The following PCMTD1 variants were observed in gnomAD, a reference collection of about 807,000 sequenced individuals.
The protein encoded by PCMTD1 is protein-L-isoaspartate O-methyltransferase domain-containing protein 1.
A neutral mutation model predicts 37.6 loss-of-function variants in PCMTD1; 12 were observed. The observed-to-expected ratio is 0.32, with a 90% confidence interval of 0.20 to 0.52. The LOEUF (loss-of-function observed/expected upper bound fraction) is 0.52. Among genes scored for constraint, PCMTD1 ranks in the 20% least tolerant of loss-of-function variants. The probability of loss-of-function intolerance (pLI) is 0.97; values close to 1 mark genes in which losing one functional copy is unlikely to be tolerated. For synonymous variants in PCMTD1, 117 were observed against 135.8 expected, an observed-to-expected ratio of 0.86 and a Z score of 0.96; for missense variants, 235 against 421.3, an observed-to-expected ratio of 0.56 and a Z score of 3.87.
intron 1 of PCMTD1, among the ~76,000 whole-genome samples, chr8:51,862,357 T>TC (rs1563351940): frequency 6.6e-6 from 1 of 151,554 alleles, no homozygotes; most frequent in Non-Finnish European, 1.5e-5. Context: ...TTTATACACA[T>TC]ACACACACAC....
chr8:51,856,092 A>G (rs2038384541), intron 2 of PCMTD1, among the ~76,000 whole-genome samples: 4 of 152,234 alleles, frequency 2.6e-5, no homozygotes, highest in Non-Finnish European at 5.9e-5. Flanking sequence ...AGGCACTTAA[A>G]AGAGCATGAA....
chr8:51,890,669 A>G (rs1051940744), intron 1 of PCMTD1, among the ~76,000 whole-genome samples: 4 of 152,232 alleles, frequency 2.6e-5, no homozygotes, highest in African/African-American at 7.2e-5. Context: ...GTGACAGAGA[A>G]GCACCGACTG....
intron 1 of PCMTD1, among the ~76,000 whole-genome samples, chr8:51,895,088 C>G (rs570333069): frequency 5.7e-4 from 86 of 152,180 alleles, no homozygotes; most frequent in Admixed American, 2.4e-3. Flanking sequence ...GTTGAAACCA[C>G]GGATCTGTGT....
intron 1 of PCMTD1, among the ~76,000 whole-genome samples, chr8:51,887,695 G>A (rs926539697): frequency 6.0e-5 from 9 of 148,902 alleles, no homozygotes; most frequent in African/African-American, 9.8e-5. Flanking sequence ...AAAAGAGTAC[G>A]CTCAGTCCCA....
intron 3 of PCMTD1, among the ~76,000 whole-genome samples, chr8:51,838,651 T>G (rs1439367427): frequency 1.3e-5 from 2 of 151,990 alleles, no homozygotes; most frequent in Non-Finnish European, 2.9e-5. Flanking sequence ...GAGAAAAAAA[T>G]AAACATTTTT....
At chr8:51,863,441 A>C (rs2038504151) in intron 1 of PCMTD1, among the ~76,000 whole-genome samples, 1 of 152,216 alleles carries the variant, frequency 6.6e-6, no homozygotes, top group Non-Finnish European at 1.5e-5. Flanking sequence ...AACTACCACC[A>C]TTTACTGACA....
chr8:51,876,563 TA>T (rs2038715968), intron 1 of PCMTD1, among the ~76,000 whole-genome samples: 1 of 152,176 alleles, frequency 6.6e-6, no homozygotes, highest in Non-Finnish European at 1.5e-5. Context: ...GAAAAGAAAC[TA>T]GGGTTCCTTG....
chr8:51,864,509 T>C (rs985515433), intron 1 of PCMTD1, among the ~76,000 whole-genome samples: 4 of 152,198 alleles, frequency 2.6e-5, no homozygotes, highest in African/African-American at 9.6e-5. Flanking sequence ...ACTGAAATGA[T>C]ACCAAATATC....
At chr8:51,832,939 G>A (rs911213551) in intron 4 of PCMTD1, among the ~76,000 whole-genome samples, 8 of 152,204 alleles carry the variant, frequency 5.3e-5, no homozygotes, top group Admixed American at 1.3e-4. Context: ...TCAACCTCCC[G>A]GGCTCAAGTG....
rs372133045 is a variant in PCMTD1 at position 51,833,599 on chromosome 8, A to G, written c.501T>C (p.Ala167=). Residue 167 remains alanine (A), a synonymous_variant, in exon 4 of 6, where the codon GCT becomes GCC. Transcript: ENST00000522514. ...SHQYDRIYCG[A]GVQKDHENYM... ...AGTTTTCATGGTCTTTCTGCACTCC[A>G]GCTCCACAATAAATTCGATCATACT... The G allele has an allele frequency of 3.1e-6, 5 of 1,612,502 alleles. No individual in the cohort carries two copies. Among genetic ancestry groups the G allele is most frequent in the Non-Finnish European group, 4.2e-6 (5 of 1,179,418 alleles).
chr8:51,884,467 G>GT (rs2038836354), intron 1 of PCMTD1, among the ~76,000 whole-genome samples: 1 of 152,224 alleles, frequency 6.6e-6, no homozygotes, highest in Non-Finnish European at 1.5e-5. Flanking sequence ...AAAGTAACAA[G>GT]TATGTTCTTC....
At chr8:51,889,617 T>C (rs2038909772) in intron 1 of PCMTD1, among the ~76,000 whole-genome samples, 1 of 152,178 alleles carries the variant, frequency 6.6e-6, no homozygotes, top group Non-Finnish European at 1.5e-5. Context: ...AGTTCATGCA[T>C]CTATAAAATG....
At chr8:51,866,051 A>T (rs946223276) in intron 1 of PCMTD1, among the ~76,000 whole-genome samples, 1 of 151,884 alleles carries the variant, frequency 6.6e-6, no homozygotes, top group Non-Finnish European at 1.5e-5. Flanking sequence ...TAAGAAATCA[A>T]TCCCATTTAC....
intron 4 of PCMTD1, among the ~76,000 whole-genome samples, chr8:51,832,243 C>T (rs898803406): frequency 6.6e-6 from 1 of 152,060 alleles, no homozygotes; most frequent in Non-Finnish European, 1.5e-5. Context: ...TCATATTTTA[C>T]GTATTTGAAA....
intron 1 of PCMTD1, among the ~76,000 whole-genome samples, chr8:51,863,446 C>A (rs2038504274): frequency 6.6e-6 from 1 of 152,198 alleles, no homozygotes; most frequent in Non-Finnish European, 1.5e-5. Flanking sequence ...CCACCATTTA[C>A]TGACAAACAC....
intron 1 of PCMTD1, among the ~76,000 whole-genome samples, chr8:51,878,744 G>A (rs1403968519): frequency 1.3e-5 from 2 of 152,124 alleles, no homozygotes; most frequent in African/African-American, 4.8e-5. Flanking sequence ...GTGAAACCCT[G>A]TCTCAAAAAC....
chr8:51,847,030 C>T (rs923085980), intron 2 of PCMTD1, among the ~76,000 whole-genome samples: 1 of 152,160 alleles, frequency 6.6e-6, no homozygotes, highest in African/African-American at 2.4e-5. Context: ...TATAAATTGT[C>T]CTGGTTAAAG....
intron 2 of PCMTD1, among the ~76,000 whole-genome samples, chr8:51,847,122 TTA>T (rs1446351056): frequency 6.6e-6 from 1 of 152,184 alleles, no homozygotes; most frequent in African/African-American, 2.4e-5. Context: ...CCAAAATCAT[TTA>T]TGACTTCTTG....
intron 1 of PCMTD1, among the ~76,000 whole-genome samples, chr8:51,893,757 G>A (rs1313719190): frequency 3.9e-5 from 6 of 152,048 alleles, no homozygotes; most frequent in Admixed American, 2.0e-4. Context: ...CCTACAACAA[G>A]AAATTTAGTT....
Sources: gnomAD v4.1 joint callset for allele counts (sites outside exome capture counted in the v4.1 genomes callset) on GRCh38, gnomAD v4.1.1 for gene constraint, MANE v1.5 for transcripts, NCBI Gene and HGNC (gene_info 2026-07-23, HGNC 2026-07-21) for gene names.